The following LUZP2 variants were observed in gnomAD, a reference collection of about 807,000 sequenced individuals.
LUZP2 encodes the protein leucine zipper protein 2.
A neutral mutation model predicts 51.6 loss-of-function variants in LUZP2; 52 were observed. The observed-to-expected ratio is 1.01, with a 90% CI of 0.81 to 1.27. LUZP2 has a LOEUF of 1.27. Among genes scored for constraint, LUZP2 ranks in the 50% most tolerant of loss-of-function variants. LUZP2 has a pLI of 0.00. For synonymous variants in LUZP2, 154 were observed against 137.3 expected (o/e 1.12, Z -0.85); for missense variants, 436 against 395.4 (o/e 1.10, Z -0.87).
chr11:24,953,020 A>G (rs1424121909), intron 7 of LUZP2, among the ~76,000 whole-genome samples: 1 of 152,060 alleles, frequency 6.6e-6, no homozygotes, highest in South Asian at 2.1e-4. Context: ...TCAAGTGAAA[A>G]TAACAAAAAA....
At chr11:24,852,325 C>T (rs1311408480) in intron 5 of LUZP2, among the ~76,000 whole-genome samples, 1 of 152,142 alleles carries the variant, frequency 6.6e-6, no homozygotes, top group African/African-American at 2.4e-5. Flanking sequence ...TCATTGGTTT[C>T]AAATAACTTA....
chr11:25,075,795 G>A (rs749839265), intron 10 of LUZP2, among the ~76,000 whole-genome samples: 34 of 152,064 alleles, frequency 2.2e-4, no homozygotes, highest in Non-Finnish European at 4.3e-4. Flanking sequence ...TATAGTGTGA[G>A]AATAGAGGGA....
rs61218085 is a variant in LUZP2 at position 25,039,533 on chromosome 11, G to A, written c.766-10505G>A. Among the ~76,000 whole-genome samples the A allele has an allele frequency of 3.1e-3, 467 of 152,242 alleles. 4 individuals carry two copies. The highest frequency in any genetic ancestry group is 0.011 in the African/African-American group (450 of 41,544). ...GAGATAGGAGCTCTGGTGGGAGGGCGCTTATGGCCCAACTCTGCCGGAGCT... is the reference window on the plus strand; with the variant it reads ...GAGATAGGAGCTCTGGTGGGAGGGCACTTATGGCCCAACTCTGCCGGAGCT... On this transcript the variant is annotated intron_variant, in intron 9 of 11. Coordinates refer to ENST00000336930, the MANE Select transcript of LUZP2 (RefSeq NM_001009909.4).
At chr11:24,501,471 TGA>T (rs1450884941) in intron 1 of LUZP2, among the ~76,000 whole-genome samples, 1 of 152,208 alleles carries the variant, frequency 6.6e-6, no homozygotes, top group Non-Finnish European at 1.5e-5. Context: ...GTGGTTCTAA[TGA>T]AATAATGTTT....
chr11:24,574,274 TTC>T (rs1413288103), intron 1 of LUZP2, among the ~76,000 whole-genome samples: 4 of 81,138 alleles, frequency 4.9e-5, no homozygotes, highest in Admixed American at 3.3e-4. Flanking sequence ...CTTTCTTTCT[TTC>T]TTTCTTTCTT....
intron 9 of LUZP2, among the ~76,000 whole-genome samples, chr11:25,040,825 A>T (rs1165156212): frequency 1.3e-5 from 2 of 152,168 alleles, no homozygotes; most frequent in African/African-American, 2.4e-5. Context: ...AAACAAAATG[A>T]CTATTCCAAT....
intron 9 of LUZP2, among the ~76,000 whole-genome samples, chr11:25,040,174 A>C (rs141365255): frequency 1.1e-4 from 16 of 152,162 alleles, no homozygotes; most frequent in Non-Finnish European, 1.2e-4. Flanking sequence ...GAGCATTTGC[A>C]TGCTCCAAAC....
chr11:24,896,537 C>T lies in LUZP2; in HGVS notation c.397-9454C>T, dbSNP rs560932428. Among the ~76,000 whole-genome samples, 3 of 152,300 alleles carry T rather than the reference C, an allele frequency of 2.0e-5. No homozygotes were observed. In the South Asian group the frequency reaches 6.2e-4, roughly 32 times the overall value. On this transcript the variant is annotated intron_variant, in intron 5 of 11. Coordinates refer to ENST00000336930, the MANE Select transcript of LUZP2 (RefSeq NM_001009909.4). ...TCAGCCACTGCCCCAGGGGGCAGGG[C>T]TCAGGACCTGCAGCCTCCCATGCCC...
At chr11:24,753,774 C>A (rs1483936822) in intron 4 of LUZP2, among the ~76,000 whole-genome samples, 1 of 152,134 alleles carries the variant, frequency 6.6e-6, no homozygotes, top group Non-Finnish European at 1.5e-5. Context: ...GGCCCTCAGC[C>A]AGAGATTAAG....
At chr11:24,874,707 A>G (rs142957524) in intron 5 of LUZP2, among the ~76,000 whole-genome samples, 126 of 152,292 alleles carry the variant, frequency 8.3e-4, no homozygotes, top group African/African-American at 3.0e-3. Context: ...AGACTCATGG[A>G]GTGTGGGGCA....
In LUZP2 at chr11:24,833,712, G is replaced by GCACACACACACA. The variant is rs71044309; in HGVS notation, c.396+70412_396+70423dup. Among the ~76,000 whole-genome samples, 193 of 147,232 alleles carry GCACACACACACA rather than the reference G, an allele frequency of 1.3e-3. 1 individual carries two copies. Among genetic ancestry groups the GCACACACACACA allele is most frequent in the African/African-American group, 4.7e-3 (189 of 40,378 alleles). On this transcript the variant is annotated intron_variant, in intron 5 of 11. Transcript: ENST00000336930. ...CCCCCACGCCTGCCACCGCGCGCGC[G>GCACACACACACA]CACACACACACACACACACTTGATT...
At position 24,520,191 on chromosome 11, in the gene LUZP2, A is replaced by T. The variant is rs190093035; in HGVS notation, c.62+22886A>T. On this transcript the variant is annotated intron_variant, in intron 1 of 11. Coordinates refer to ENST00000336930, the MANE Select transcript of LUZP2 (RefSeq NM_001009909.4). Reference sequence around the variant, plus strand: ...GAAATCAGGTAGAAAGACAGCTGTCAAGAAGATGCAATGGAATTATTACCA... The same window carrying T: ...GAAATCAGGTAGAAAGACAGCTGTCTAGAAGATGCAATGGAATTATTACCA... 6.4e-3 allele frequency among the ~76,000 whole-genome samples: 975 copies of T among 152,310 alleles called. 11 individuals are homozygous for T. Among genetic ancestry groups the T allele is most frequent in the African/African-American group, 0.023 (939 of 41,570 alleles).
At chr11:24,725,352 C>T (rs10834454) in intron 1 of LUZP2, among the ~76,000 whole-genome samples, 5 of 151,780 alleles carry the variant, frequency 3.3e-5, no homozygotes, top group African/African-American at 7.3e-5. Flanking sequence ...TGTATCCAAT[C>T]GTGTTAGGAC....
chr11:24,574,589 A>G (rs1262157023), intron 1 of LUZP2, among the ~76,000 whole-genome samples: 1 of 152,092 alleles, frequency 6.6e-6, no homozygotes, highest in African/African-American at 2.4e-5. Context: ...ACAATAGAGG[A>G]GAGATTGAAC....
chr11:24,862,702 A>C (rs915511128), intron 5 of LUZP2, among the ~76,000 whole-genome samples: 1 of 152,206 alleles, frequency 6.6e-6, no homozygotes, highest in East Asian at 1.9e-4. Context: ...TTTAAGAAAT[A>C]AAGAGAAAAA....
At chr11:24,597,415 G>T (rs1057249542) in intron 1 of LUZP2, among the ~76,000 whole-genome samples, 1 of 152,060 alleles carries the variant, frequency 6.6e-6, no homozygotes, top group Non-Finnish European at 1.5e-5. Context: ...ATCGAAACTC[G>T]TAGTCAGCGT....
chr11:24,566,335 T>TA (rs1207205642), intron 1 of LUZP2, among the ~76,000 whole-genome samples: 264 of 139,878 alleles, frequency 1.9e-3, no homozygotes, highest in South Asian at 2.6e-3. Flanking sequence ...TATTTTTTTT[T>TA]TTTTTTTTTT....
intron 5 of LUZP2, among the ~76,000 whole-genome samples, chr11:24,869,988 C>T (rs1160228115): frequency 1.3e-5 from 2 of 152,096 alleles, no homozygotes; most frequent in Non-Finnish European, 2.9e-5. Flanking sequence ...TCTAAAAGTG[C>T]TACTACAGCA....
chr11:25,044,082 A>AGAGT (rs1858185857), intron 9 of LUZP2, among the ~76,000 whole-genome samples: 1 of 16,938 alleles, frequency 5.9e-5, no homozygotes, highest in Non-Finnish European at 1.2e-4. Context: ...ATCTGATAAG[A>AGAGT]CTATATATAT....
Sources: gnomAD v4.1 joint callset for allele counts (sites outside exome capture counted in the v4.1 genomes callset) on GRCh38, gnomAD v4.1.1 for gene constraint, MANE v1.5 for transcripts, NCBI Gene and HGNC (gene_info 2026-07-23, HGNC 2026-07-21) for gene names.